The following ZNF586 variants were observed in gnomAD, a reference collection of about 807,000 sequenced individuals.
ZNF586 encodes the protein zinc finger protein 586.
Under a neutral mutation model 6.7 loss-of-function variants are expected in ZNF586, and 7 were observed. The observed-to-expected ratio is 1.04, with a 90% CI of 0.59 to 1.95. ZNF586 has a LOEUF of 1.95. ZNF586 is among the 30% of genes most tolerant of loss of function. The pLI is 0.00. For synonymous variants in ZNF586, 166 were observed against 168.7 expected (o/e 0.98, Z 0.12); for missense variants, 442 against 489.6 (o/e 0.90, Z 0.92).
intron 1 of ZNF586, among the ~76,000 whole-genome samples, chr19:57,771,802 A>T (rs1249962841): frequency 6.6e-6 from 1 of 151,818 alleles, no homozygotes; most frequent in African/African-American, 2.4e-5. Context: ...CTAGATCTGG[A>T]TTTGTGTTTT....
chr19:57,774,237 A>G (rs1160742345), intron 1 of ZNF586, among the ~76,000 whole-genome samples: 2 of 123,168 alleles, frequency 1.6e-5, no homozygotes, highest in African/African-American at 6.0e-5. Context: ...AAAAAAAAAA[A>G]GTCAGCCGGG....
At chr19:57,775,959 C>T (rs1265465959) in intron 1 of ZNF586, among the ~76,000 whole-genome samples, 1 of 152,220 alleles carries the variant, frequency 6.6e-6, no homozygotes, top group Non-Finnish European at 1.5e-5. Flanking sequence ...GTGGTGTCCT[C>T]TTCTCTCAAG....
chr19:57,775,385 C>T (rs565056020), intron 1 of ZNF586, among the ~76,000 whole-genome samples: 3 of 152,260 alleles, frequency 2.0e-5, no homozygotes, highest in East Asian at 3.9e-4. Context: ...GTCCCAGCTA[C>T]TCAGGAGGCT....
chr19:57,769,903 T>TTGCCCCCCCCCC, intron 1 of ZNF586, 25 bp downstream of exon 1: 1 of 1,475,850 alleles, frequency 6.8e-7, no homozygotes, highest in Non-Finnish European at 9.1e-7. Context: ...CTCCGGGCCT[T>TTGCCCCCCCCCC]ACCCACCCTA....
At position 57,780,361 on chromosome 19, in the gene ZNF586, C is replaced by T. The variant is rs1987356690; in HGVS notation, c.*565C>T. 6.5e-6 allele frequency: 1 copy of T among 153,156 alleles called. No homozygotes were observed. The highest frequency in any genetic ancestry group is 2.4e-5 in the African/African-American group (1 of 41,454). 9.5% of individuals were successfully genotyped at this position (153,156 alleles called of 1,614,324 possible). A position where few individuals can be genotyped will look rare whatever the true frequency, so the allele number is the denominator to read the frequency against. ...GTATCCTCAGCACTCATTCTATTCT[C>T]ATTTCTTTCTCTCCAATGAGTTAGG... On this transcript the variant is annotated 3_prime_UTR_variant, in exon 3 of 3. Transcript: ENST00000396154.
At chr19:57,773,390 TTTC>T (rs200967992) in intron 1 of ZNF586, among the ~76,000 whole-genome samples, 41,050 of 133,894 alleles carry the variant, frequency 0.31, 6,344 homozygotes, top group Admixed American at 0.41. Context: ...GATACATCTG[TTTC>T]TTCTTCTTCT....
At chr19:57,772,502 T>C (rs935794251) in intron 1 of ZNF586, among the ~76,000 whole-genome samples, 3 of 151,164 alleles carry the variant, frequency 2.0e-5, no homozygotes, top group Admixed American at 2.0e-4. Context: ...CCAGGATGTT[T>C]TTTTTTTTTT....
intron 1 of ZNF586, among the ~76,000 whole-genome samples, chr19:57,771,819 G>C (rs1056829769): frequency 6.6e-6 from 1 of 151,822 alleles, no homozygotes; most frequent in African/African-American, 2.4e-5. Context: ...TTTTTTAGAG[G>C]GGCAAGTCAA....
rs181816786 is a variant in ZNF586 at position 57,776,681 on chromosome 19, A to T, written c.163+12A>T. 1.9e-5 allele frequency: 30 copies of T among 1,590,586 alleles called. No individual in the cohort carries two copies. The highest frequency in any genetic ancestry group is 2.5e-5 in the Non-Finnish European group (29 of 1,168,916). ...TATATCCTCCCTGGGTAAGGTACTCATATTCACCTGTGACCTGAGTTAGTC... is the reference window on the plus strand; with the variant it reads ...TATATCCTCCCTGGGTAAGGTACTCTTATTCACCTGTGACCTGAGTTAGTC... On this transcript the variant is annotated intron_variant, in intron 2 of 2. Transcript: ENST00000396154.
chr19:57,770,629 C>T (rs1278016813), intron 1 of ZNF586, among the ~76,000 whole-genome samples: 1 of 152,140 alleles, frequency 6.6e-6, no homozygotes, highest in Non-Finnish European at 1.5e-5. Flanking sequence ...GAGCACTGGG[C>T]CACAAGATTA....
intron 1 of ZNF586, among the ~76,000 whole-genome samples, chr19:57,775,603 T>TC (rs1195371191): frequency 6.8e-6 from 1 of 148,024 alleles, no homozygotes; most frequent in Non-Finnish European, 1.5e-5. Context: ...GGTTGCTCTT[T>TC]TTTTTTTTTT....
At chr19:57,776,860 G>C (rs945431969) in intron 2 of ZNF586, among the ~76,000 whole-genome samples, 191 bp downstream of exon 2, 3 of 152,110 alleles carry the variant, frequency 2.0e-5, no homozygotes, top group Non-Finnish European at 4.4e-5. Context: ...CTGCTTTGTT[G>C]CAGGCTTCCA....
At chr19:57,778,646 AAAT>A (rs1987298421) in intron 2 of ZNF586, 102 bp from the exon 3 acceptor site, 2 of 1,095,774 alleles carry the variant, frequency 1.8e-6, no homozygotes, top group Admixed American at 5.3e-5. Flanking sequence ...CTGTTTGTGC[AAAT>A]AATTCCATAG....
intron 1 of ZNF586, among the ~76,000 whole-genome samples, chr19:57,770,301 CAT>C (rs1424642343): frequency 6.6e-5 from 10 of 151,850 alleles, no homozygotes; most frequent in Non-Finnish European, 1.2e-4. Flanking sequence ...GGATTACAGG[CAT>C]GCGCCACCAC....
rs1213627468 is a variant in ZNF586, at chr19:57,778,491, C to T, written c.164-260C>T. On this transcript the variant is annotated intron_variant, in intron 2 of 2. Transcript: ENST00000396154. The stretch of plus-strand genomic sequence containing the variant: ...CACGTCATCAGCAAATAAGGTTCCA[C>T]AGGCAAGTTGTTTGCAAATGAAGGA... Among the ~76,000 whole-genome samples the T allele has an allele frequency of 5.3e-5, 8 of 152,264 alleles. 1 individual carries two copies. The South Asian group carries it at 1.7e-3, about 32-fold the overall frequency.
At chr19:57,770,492 T>G (rs925781220) in intron 1 of ZNF586, among the ~76,000 whole-genome samples, 7 of 152,182 alleles carry the variant, frequency 4.6e-5, no homozygotes, top group Non-Finnish European at 1.0e-4. Flanking sequence ...CTAAAAGCCA[T>G]GGACAGTTTT....
chr19:57,774,658 G>T lies in ZNF586; in HGVS notation c.37-1885G>T, dbSNP rs72490767. 197 of 286,492 alleles carry T rather than the reference G, an allele frequency of 6.9e-4. 17 individuals are homozygous for T. Among genetic ancestry groups the T allele is most frequent in the Non-Finnish European group, 8.5e-4 (189 of 222,168 alleles). The allele number at this position is 286,492 out of a possible 1,614,324, so 17.7% of individuals were successfully genotyped here. On this transcript the variant is annotated intron_variant, in intron 1 of 2. Transcript: ENST00000396154. ...TCTGAAAATGCTAGTGGTTCTTTTT[G>T]TCTGTGGATTTATGCATGGAGGGCG...
Position 57,779,160 on chromosome 19 carries a change from C to T in ZNF586, c.573C>T (p.Ser191=). The T allele has an allele frequency of 6.2e-7, 1 of 1,613,290 alleles. No homozygotes were observed. The highest frequency in any genetic ancestry group is 8.5e-7 in the Non-Finnish European group (1 of 1,179,880). Residue 191 remains serine (S), a synonymous_variant, in exon 3 of 3, where the codon TCC becomes TCT. Transcript: ENST00000396154. Reference sequence around the variant, plus strand: ...GTGGGAAAGCCTTTGCTGAAAAGTCCAGTCTCATTAACCACAGGAAAGTTC... The same window carrying T: ...GTGGGAAAGCCTTTGCTGAAAAGTCTAGTCTCATTAACCACAGGAAAGTTC... ...IECGKAFAEK[S]SLINHRKVHS...
chr19:57,780,173 C>T lies in ZNF586; in HGVS notation c.*377C>T, dbSNP rs960442071. 3 of 203,534 alleles carry T rather than the reference C, an allele frequency of 1.5e-5. No homozygotes were observed. In the South Asian group the frequency reaches 3.1e-4, roughly 21 times the overall value. 12.6% of individuals were successfully genotyped at this position (203,534 alleles called of 1,614,324 possible). A position where few individuals can be genotyped will look rare whatever the true frequency, so the allele number is the denominator to read the frequency against. ...TATGTGGGAACTGCATAGTATTTTT[C>T]GACCTGCCCAGGTCTCTTGCTAGAC... On this transcript the variant is annotated 3_prime_UTR_variant, in exon 3 of 3. Coordinates refer to ENST00000396154, the MANE Select transcript of ZNF586 (RefSeq NM_017652.4).
Sources: gnomAD v4.1 joint callset for allele counts (sites outside exome capture counted in the v4.1 genomes callset) on GRCh38, gnomAD v4.1.1 for gene constraint, MANE v1.5 for transcripts, NCBI Gene and HGNC (gene_info 2026-07-23, HGNC 2026-07-21) for gene names.